The following ALG14 variants were observed in gnomAD, a reference collection of about 807,000 sequenced individuals.
ALG14 encodes ALG14 UDP-N-acetylglucosaminyltransferase subunit.
In ALG14, 17 loss-of-function variants were observed where a neutral mutation model predicts 22.8. The observed-to-expected ratio is 0.75, with a 90% confidence interval of 0.51 to 1.12. The LOEUF is 1.12. ALG14 is among the 50% of genes most tolerant of loss of function. The pLI is 0.00. For synonymous variants in ALG14, 89 were observed against 103.7 expected, an observed-to-expected ratio of 0.86 and a Z score of 0.86; for missense variants, 288 against 271.8, an observed-to-expected ratio of 1.06 and a Z score of -0.42.
intron 2 of ALG14, among the ~76,000 whole-genome samples, chr1:95,042,950 C>T (rs1003985662): frequency 1.3e-4 from 20 of 152,022 alleles, no homozygotes; most frequent in African/African-American, 3.1e-4. Context: ...CTGTTTTTTA[C>T]GTTTTCCTTA....
In ALG14 at chr1:94,991,205, GC is replaced by G. The variant is rs976065955; in HGVS notation, c.421-7900del. ...GATTTATTAGTGAACAAAAGTCCTT[GC>G]CCTTGTAAGGTTTACATTCCAGTGA... On this transcript the variant is annotated intron_variant, in intron 3 of 3. Coordinates refer to ENST00000370205, the MANE Select transcript of ALG14 (RefSeq NM_144988.4). Among the ~76,000 whole-genome samples, 7 of 152,322 alleles carry G rather than the reference GC, an allele frequency of 4.6e-5. No homozygotes were observed. In the East Asian group the frequency reaches 1.2e-3, roughly 25 times the overall value.
chr1:94,992,560 G>C (rs1024698725), intron 3 of ALG14, among the ~76,000 whole-genome samples: 4 of 152,168 alleles, frequency 2.6e-5, no homozygotes, highest in Non-Finnish European at 5.9e-5. Flanking sequence ...GAGGAGGGTT[G>C]AAGAGGAGGG....
At chr1:95,068,276 T>G (rs1035090607) in intron 1 of ALG14, among the ~76,000 whole-genome samples, 1 of 152,200 alleles carries the variant, frequency 6.6e-6, no homozygotes, top group Non-Finnish European at 1.5e-5. Flanking sequence ...TTGGCAAATG[T>G]TCTCTGAACA....
intron 3 of ALG14, among the ~76,000 whole-genome samples, chr1:95,006,608 A>G (rs1285123942): frequency 6.6e-6 from 1 of 152,206 alleles, no homozygotes; most frequent in African/African-American, 2.4e-5. Flanking sequence ...GAATAACTCC[A>G]GAAATGTGGG....
At chr1:95,057,622 C>CTGTCTG (rs1674979236) in intron 2 of ALG14, among the ~76,000 whole-genome samples, 1 of 143,956 alleles carries the variant, frequency 6.9e-6, no homozygotes, top group Non-Finnish European at 1.5e-5. Context: ...AGATGACCAT[C>CTGTCTG]TGTGTGTGTG....
rs1553222994 is a variant in ALG14, at chr1:94,979,310, A to AAAAAAAAAG, written c.*3765_*3766insCTTTTTTTT. The AAAAAAAAAG allele has an allele frequency of 7.9e-4, 71 of 89,318 alleles. No homozygotes were observed. Among genetic ancestry groups the AAAAAAAAAG allele is most frequent in the African/African-American group, 1.6e-3 (30 of 18,670 alleles). The allele number at this position is 89,318 out of a possible 1,614,324, so 5.5% of individuals were successfully genotyped here. A position where few individuals can be genotyped will look rare whatever the true frequency, so the allele number is the denominator to read the frequency against. On this transcript the variant is annotated 3_prime_UTR_variant, in exon 4 of 4. Coordinates refer to ENST00000370205, the MANE Select transcript of ALG14 (RefSeq NM_144988.4). ...GTCTCGAAAAAAAAAAAAAAAAAAA[A>AAAAAAAAAG]AAAAGAAAGAAAAAAGTGAAACAAG...
chr1:95,009,079 C>A (rs533615092), intron 3 of ALG14, among the ~76,000 whole-genome samples: 1 of 151,916 alleles, frequency 6.6e-6, no homozygotes, highest in Non-Finnish European at 1.5e-5. Flanking sequence ...CTTGTTTCTA[C>A]CTTTTGACTT....
intron 2 of ALG14, among the ~76,000 whole-genome samples, chr1:95,058,762 G>T (rs1339395653): frequency 6.6e-6 from 1 of 151,388 alleles, no homozygotes; most frequent in African/African-American, 2.4e-5. Flanking sequence ...AGAAGACATG[G>T]TATACAAGAA....
intron 2 of ALG14, among the ~76,000 whole-genome samples, chr1:95,034,899 T>G (rs1674133652): frequency 6.6e-6 from 1 of 152,160 alleles, no homozygotes; most frequent in Non-Finnish European, 1.5e-5. Context: ...GCTCCCTGCC[T>G]CCTCCTCTCT....
intron 1 of ALG14, among the ~76,000 whole-genome samples, chr1:95,071,319 A>C (rs1675555007): frequency 6.6e-6 from 1 of 152,130 alleles, no homozygotes; most frequent in Admixed American, 6.5e-5. Flanking sequence ...CTGAGGCAGG[A>C]GGATCACTTG....
At chr1:95,027,350 GCTTT>G (rs111710780) in intron 2 of ALG14, 90 bp from the exon 3 acceptor site, 130 of 1,458,952 alleles carry the variant, frequency 8.9e-5, no homozygotes, top group East Asian at 6.2e-4. Flanking sequence ...AAACAGAAAT[GCTTT>G]CTTTAATTTA....
At chr1:95,022,670 T>A (rs974852615) in intron 3 of ALG14, among the ~76,000 whole-genome samples, 2 of 152,226 alleles carry the variant, frequency 1.3e-5, no homozygotes, top group African/African-American at 4.8e-5. Context: ...TCATTAATCT[T>A]GGAAAACATG....
rs1252431458 is a variant in ALG14 at position 94,981,013 on chromosome 1, G to A, written c.*2063C>T. On this transcript the variant is annotated 3_prime_UTR_variant, in exon 4 of 4. Transcript: ENST00000370205. ...GGATTACCTGTGGGGGCCCAGGGAA[G>A]CTGCCCCACAGCACAGAGAGGCATT... 1 of 152,190 alleles carries A rather than the reference G, an allele frequency of 6.6e-6. No individual in the cohort carries two copies. The highest frequency in any genetic ancestry group is 1.5e-5 in the Non-Finnish European group (1 of 68,036). The allele number at this position is 152,190 out of a possible 1,614,324, so 9.4% of individuals were successfully genotyped here.
Position 94,983,108 on chromosome 1 carries a change from G to C in ALG14, c.619C>G (p.Pro207Ala). 6.2e-7 allele frequency: 1 copy of C among 1,614,150 alleles called. No homozygotes were observed. Among genetic ancestry groups the C allele is most frequent in the Non-Finnish European group, 8.5e-7 (1 of 1,180,022 alleles). Residue 207 changes from proline to alanine, a missense_variant, in exon 4 of 4, where the codon CCC (proline) becomes GCC (alanine). Pro to Ala is a conservative substitution (Grantham distance 27). Coordinates refer to ENST00000370205, the MANE Select transcript of ALG14 (RefSeq NM_144988.4). ...ATTCGCCCAAGGTACACCGATTTGGGATACTTTTCTTTCAGAGCCGGCCAC... is the reference window on the plus strand; with the variant it reads ...ATTCGCCCAAGGTACACCGATTTGGCATACTTTTCTTTCAGAGCCGGCCAC... The part of the protein sequence containing the change: ...VQWPALKEKY[P>A]KSVYLGRIV
At chr1:95,037,877 C>T (rs1270567666) in intron 2 of ALG14, among the ~76,000 whole-genome samples, 1 of 152,156 alleles carries the variant, frequency 6.6e-6, no homozygotes, top group African/African-American at 2.4e-5. Context: ...AAACTTTCAA[C>T]AAGCACCTGC....
At chr1:94,994,198 T>G (rs1283253512) in intron 3 of ALG14, among the ~76,000 whole-genome samples, 1 of 152,232 alleles carries the variant, frequency 6.6e-6, no homozygotes, top group Non-Finnish European at 1.5e-5. Flanking sequence ...AATCTTTTAG[T>G]TTTCCTGTTC....
chr1:95,049,157 T>C (rs939585018), intron 2 of ALG14, among the ~76,000 whole-genome samples: 10 of 152,184 alleles, frequency 6.6e-5, no homozygotes, highest in Non-Finnish European at 1.0e-4. Flanking sequence ...CTAGCATAAA[T>C]AGGTAAATAC....
intron 3 of ALG14, among the ~76,000 whole-genome samples, chr1:94,990,423 A>G (rs1672743355): frequency 6.6e-6 from 1 of 152,248 alleles, no homozygotes; most frequent in African/African-American, 2.4e-5. Context: ...CAAAATATCA[A>G]GAACAACATT....
At chr1:95,042,138 G>T (rs1322417219) in intron 2 of ALG14, among the ~76,000 whole-genome samples, 1 of 151,826 alleles carries the variant, frequency 6.6e-6, no homozygotes, top group African/African-American at 2.4e-5. Flanking sequence ...TTTTCTAATT[G>T]TAACTTTAGA....
Sources: gnomAD v4.1 joint callset for allele counts (sites outside exome capture counted in the v4.1 genomes callset) on GRCh38, gnomAD v4.1.1 for gene constraint, MANE v1.5 for transcripts, NCBI Gene and HGNC (gene_info 2026-07-23, HGNC 2026-07-21) for gene names.